ABHD8: variants seen among roughly 807,000 people sequenced by gnomAD.
ABHD8 encodes protein ABHD8.
In ABHD8, 10 loss-of-function variants were observed where a neutral mutation model predicts 29.3. That is an observed-to-expected ratio of 0.34 (90% CI 0.21 to 0.58). ABHD8 has a LOEUF of 0.58. Among genes scored for constraint, ABHD8 ranks in the 20% least tolerant of loss-of-function variants. The pLI, the probability that ABHD8 is intolerant of heterozygous loss-of-function variation, is 0.85. For missense variants in ABHD8, 556 were observed against 615.3 expected, an observed-to-expected ratio of 0.90 and a Z score of 1.02; for synonymous variants, 282 against 274.6, an observed-to-expected ratio of 1.03 and a Z score of -0.27.
Position 17,301,304 on chromosome 19 carries a change from G to A in ABHD8, c.313C>T (p.His105Tyr), listed in dbSNP as rs1357506772. ...LGRAPRADLL[H>Y]GQNGSGEPPA... ...GGCTCCCCAGAGCCATTCTGCCCGT[G>A]TAGGAGGTCGGCTCGAGGGGCTCGG... The change falls in exon 2 of 5, where the codon CAC (histidine) becomes TAC (tyrosine). Residue 105 changes from histidine (H) to tyrosine (Y), a missense_variant. Around this residue, in one of 2 missense-constraint regions of ABHD8, gnomAD observed 286 missense variants for 261.4 expected, o/e 1.09. Transcript: ENST00000247706. 2.5e-6 allele frequency: 4 copies of A among 1,607,382 alleles called. No individual in the cohort carries two copies. Among genetic ancestry groups the A allele is most frequent in the South Asian group, 1.1e-5 (1 of 91,074 alleles).
intron 1 of ABHD8, chr19:17,302,310 A>G (rs1174398849): frequency 1.3e-5 from 2 of 152,374 alleles, no homozygotes; most frequent in Admixed American, 1.3e-4. Context: ...TATACCATTT[A>G]TGGCCTCCTA....
intron 4 of ABHD8, among the ~76,000 whole-genome samples, chr19:17,293,387 G>A (rs2145650460): frequency 6.6e-6 from 1 of 150,774 alleles, no homozygotes; most frequent in South Asian, 2.1e-4. Context: ...GTGAGCCACC[G>A]CGCCCGGCCT....
rs1430692582 is a variant in ABHD8 at position 17,292,471 on chromosome 19, A to G, written c.*190T>C. ...TGGGCCCCGCGGGACGGAAGCGGAG[A>G]GCGGAATGTCCGCTGGGCTCCCTCG... On this transcript the variant is annotated 3_prime_UTR_variant, in exon 5 of 5. Coordinates refer to ENST00000247706, the MANE Select transcript of ABHD8 (RefSeq NM_024527.5). 2 of 637,312 alleles carry G rather than the reference A, an allele frequency of 3.1e-6. No homozygotes were observed. Among genetic ancestry groups the G allele is most frequent in the South Asian group, 2.7e-5 (1 of 37,286 alleles). The allele number at this position is 637,312 out of a possible 1,614,324, so 39.5% of individuals were successfully genotyped here. A position where few individuals can be genotyped will look rare whatever the true frequency, so the allele number is the denominator to read the frequency against.
intron 2 of ABHD8, among the ~76,000 whole-genome samples, chr19:17,295,884 A>AT (rs528756326): frequency 4.7e-4 from 71 of 152,074 alleles, no homozygotes; most frequent in Admixed American, 2.6e-3. Flanking sequence ...ATTTTTAAAA[A>AT]TTTTTTTATA....
chr19:17,300,617 A>G (rs935348818), intron 2 of ABHD8, among the ~76,000 whole-genome samples: 1 of 152,164 alleles, frequency 6.6e-6, no homozygotes, highest in Non-Finnish European at 1.5e-5. Flanking sequence ...AGCTGGGACT[A>G]CAGGCGCGTG....
At chr19:17,299,238 C>CCG (rs902946679) in intron 2 of ABHD8, among the ~76,000 whole-genome samples, 42 of 140,110 alleles carry the variant, frequency 3.0e-4, no homozygotes, top group Middle Eastern at 3.5e-3. Context: ...AATGAGACCC[C>CCG]CCCCCCATTC....
Position 17,294,492 on chromosome 19 carries a change from G to A in ABHD8, c.945C>T (p.Ala315=), listed in dbSNP as rs1321302751. 1 of 1,613,936 alleles carries A rather than the reference G, an allele frequency of 6.2e-7. No individual in the cohort carries two copies. The change falls in exon 4 of 5, where the codon GCC becomes GCT. Residue 315 remains alanine (A), a synonymous_variant. Transcript: ENST00000247706. The part of the protein sequence containing the change: ...LAWSFLKAGF[A]RQGAKEKQLL... ...GCTGCTTCTCCTTGGCTCCTTGGCG[G>A]GCGAAGCCGGCCCTGGTGGTGGTGG...
intron 4 of ABHD8, among the ~76,000 whole-genome samples, chr19:17,293,690 GTTT>G (rs56210466): frequency 1.4e-5 from 2 of 145,914 alleles, no homozygotes; most frequent in African/African-American, 5.0e-5. Context: ...AATGGTTTTT[GTTT>G]TTTTTTTTTT....
At position 17,301,465 on chromosome 19, in the gene ABHD8, G is replaced by A; in HGVS notation, c.152C>T (p.Pro51Leu). The A allele has an allele frequency of 1.2e-6, 2 of 1,611,642 alleles. No individual in the cohort carries two copies. Among genetic ancestry groups the A allele is most frequent in the Non-Finnish European group, 1.7e-6 (2 of 1,179,742 alleles). Residue 51 changes from proline to leucine, a missense_variant, in exon 2 of 5, where the codon CCC (proline) becomes CTC (leucine). By Grantham distance (98) the Pro-to-Leu change is moderately conservative. This residue lies in a region of ABHD8 where 286 missense variants were observed against 261.4 expected (regional missense o/e 1.09). Coordinates refer to ENST00000247706, the MANE Select transcript of ABHD8 (RefSeq NM_024527.5). ...GRVLRVKHAGPAPAAAPPPPS... is the reference protein window; with the variant it reads ...GRVLRVKHAGLAPAAAPPPPS... Reference sequence around the variant, plus strand: ...TGGAGGTGGGGCAGCGGCTGGGGCGGGTCCTGCATGCTTCACCCGCAGCAC... The same window carrying A: ...TGGAGGTGGGGCAGCGGCTGGGGCGAGTCCTGCATGCTTCACCCGCAGCAC...
intron 2 of ABHD8, among the ~76,000 whole-genome samples, chr19:17,297,419 CCA>C (rs764077377): frequency 4.9e-4 from 74 of 152,114 alleles, no homozygotes; most frequent in Non-Finnish European, 8.2e-4. Flanking sequence ...CCTCAGCCTC[CCA>C]AGTAGCTGGG....
At chr19:17,301,748 G>C in intron 1 of ABHD8, 124 bp from the exon 2 acceptor site, 2 of 1,158,628 alleles carry the variant, frequency 1.7e-6, no homozygotes, top group South Asian at 1.9e-5. Flanking sequence ...GCCAGATCAA[G>C]TGAGCCACGG....
chr19:17,295,359 G>T (rs1308011172), intron 2 of ABHD8, among the ~76,000 whole-genome samples: 1 of 151,948 alleles, frequency 6.6e-6, no homozygotes, highest in African/African-American at 2.4e-5. Flanking sequence ...CATCCGCCTC[G>T]GCCTCCCAAA....
chr19:17,293,382 C>T (rs965653998), intron 4 of ABHD8, among the ~76,000 whole-genome samples: 1 of 151,334 alleles, frequency 6.6e-6, no homozygotes, highest in South Asian at 2.1e-4. Context: ...CAGGAGTGAG[C>T]CACCGCGCCC....
At chr19:17,292,940 T>C in intron 4 of ABHD8, 109 bp from the exon 5 acceptor site, 4 of 1,234,830 alleles carry the variant, frequency 3.2e-6, no homozygotes, top group Non-Finnish European at 1.1e-6. Context: ...CAAAAGTCCC[T>C]CCTCCCATCT....
rs1336758703 is a variant in ABHD8 at position 17,301,367 on chromosome 19, C to A, written c.250G>T (p.Val84Leu). 3 of 1,610,680 alleles carry A rather than the reference C, an allele frequency of 1.9e-6. No individual in the cohort carries two copies. The highest frequency in any genetic ancestry group is 2.7e-5 in the African/African-American group (2 of 74,952). The change falls in exon 2 of 5, where the codon GTG becomes TTG. Residue 84 changes from valine (V) to leucine (L), a missense_variant. By Grantham distance (32) the Val-to-Leu change is conservative. This residue lies in a region of ABHD8 where 286 missense variants were observed against 261.4 expected (regional missense o/e 1.09). Transcript: ENST00000247706. Reference protein sequence around the residue: ...GLVRCQRRITVYRNGRLLVEN... With the variant: ...GLVRCQRRITLYRNGRLLVEN... ...ACCAGCAACCGCCCATTGCGGTACA[C>A]GGTGATCCGGCGCTGACAGCGGACC...
chr19:17,292,741 C>G lies in ABHD8; in HGVS notation c.1240G>C (p.Glu414Gln). Residue 414 changes from glutamate to glutamine, a missense_variant, in exon 5 of 5, where the codon GAA becomes CAA. Around this residue, in one of 2 missense-constraint regions of ABHD8, gnomAD observed 270 missense variants for 353.9 expected, o/e 0.76. Coordinates refer to ENST00000247706, the MANE Select transcript of ABHD8 (RefSeq NM_024527.5). ...GGCTCGGGCTCCCAGAGCAGGAATT[C>G]GTGGAGCAGCGTGTTGACCGTCTCA... ...CPETVNTLLH[E>Q]FLLWEPEPSP... 6.2e-7 allele frequency: 1 copy of G among 1,613,810 alleles called. No individual in the cohort carries two copies.
rs575814490 is a variant in ABHD8, at chr19:17,295,520, C to T, written c.762-675G>A. Among the ~76,000 whole-genome samples, 27 of 152,226 alleles carry T rather than the reference C, an allele frequency of 1.8e-4. 1 individual carries two copies. In the South Asian group the frequency reaches 5.4e-3, roughly 30 times the overall value. ...CTCCTGGGTTCAACTGATTCTCCTT[C>T]CTCAGCCTCCCGAGTAGCTGGGAGT... On this transcript the variant is annotated intron_variant, in intron 2 of 4. Transcript: ENST00000247706.
At position 17,293,002 on chromosome 19, in the gene ABHD8, G is replaced by A. The variant is rs918787882; in HGVS notation, c.1150-171C>T. 6.5e-5 allele frequency: 45 copies of A among 695,758 alleles called. No individual in the cohort carries two copies. In the African/African-American group the frequency reaches 6.8e-4, roughly 11 times the overall value. The allele number at this position is 695,758 out of a possible 1,614,324, so 43.1% of individuals were successfully genotyped here. A position where few individuals can be genotyped will look rare whatever the true frequency, so the allele number is the denominator to read the frequency against. ...AGGGGGAGCTGGAGGATGGCCTGTA[G>A]CCCTGCTGGAACCCAACTAGTATTC... On this transcript the variant is annotated intron_variant, in intron 4 of 4. Coordinates refer to ENST00000247706, the MANE Select transcript of ABHD8 (RefSeq NM_024527.5).
At chr19:17,299,179 G>A (rs1337422946) in intron 2 of ABHD8, among the ~76,000 whole-genome samples, 2 of 151,976 alleles carry the variant, frequency 1.3e-5, no homozygotes, top group Admixed American at 6.6e-5. Context: ...GGAGGCCAAG[G>A]AGGGAGGATG....
Sources: gnomAD v4.1 joint callset for allele counts (sites outside exome capture counted in the v4.1 genomes callset) on GRCh38, gnomAD v4.1.1 for gene constraint, gnomAD v4.1.1 regional missense constraint, MANE v1.5 for transcripts, NCBI Gene and HGNC (gene_info 2026-07-23, HGNC 2026-07-21) for gene names.